The following CBX7 variants were observed in gnomAD, a reference collection of about 807,000 sequenced individuals.
CBX7 encodes the protein chromobox 7.
CBX7 carries 14 observed loss-of-function variants against 31.4 expected under a neutral mutation model. That is an observed-to-expected ratio of 0.45 (90% CI 0.29 to 0.70). The LOEUF is 0.70. Ranked by LOEUF, CBX7 falls within the 30% of genes least tolerant of loss-of-function variation. CBX7 has a pLI of 0.11. For synonymous variants in CBX7, 159 were observed against 152.6 expected (o/e 1.04, Z -0.31); for missense variants, 269 against 351.9 (o/e 0.76, Z 1.89).
intron 2 of CBX7, among the ~76,000 whole-genome samples, chr22:39,143,066 C>G (rs1197446386): frequency 6.6e-6 from 1 of 152,072 alleles, no homozygotes; most frequent in Non-Finnish European, 1.5e-5. Flanking sequence ...CAAGCCTGGC[C>G]AACGTGGAGA....
intron 3 of CBX7, among the ~76,000 whole-genome samples, chr22:39,139,792 C>T (rs577237918): frequency 2.7e-5 from 4 of 148,678 alleles, no homozygotes; most frequent in East Asian, 2.0e-4. Context: ...TAGCCAGGCA[C>T]GGTGGCATAC....
At chr22:39,147,052 A>G (rs185794847) in intron 2 of CBX7, 15 of 133,384 alleles carry the variant, frequency 1.1e-4, no homozygotes, top group African/African-American at 4.2e-4. Flanking sequence ...CAAGGCATGT[A>G]GTGGTTTAGC....
chr22:39,134,887 C>T, intron 4 of CBX7, 135 bp from the exon 5 acceptor site: 1 of 647,390 alleles, frequency 1.5e-6, no homozygotes, highest in Non-Finnish European at 2.6e-6. Flanking sequence ...CATGCCACGG[C>T]TGGCCATCAC....
rs1930134688 is a variant in CBX7, at chr22:39,133,831, C to A, written c.*60G>T. 2 of 1,449,614 alleles carry A rather than the reference C, an allele frequency of 1.4e-6. No individual in the cohort carries two copies. The highest frequency in any genetic ancestry group is 1.9e-6 in the Non-Finnish European group (2 of 1,076,656). 89.8% of individuals were successfully genotyped at this position (1,449,614 alleles called of 1,614,324 possible). A position where few individuals can be genotyped will look rare whatever the true frequency, so the allele number is the denominator to read the frequency against. On this transcript the variant is annotated 3_prime_UTR_variant, in exon 6 of 6. Coordinates refer to ENST00000216133, the MANE Select transcript of CBX7 (RefSeq NM_175709.5). The stretch of plus-strand genomic sequence containing the variant: ...TACCCCGCCCCCAACCCATCCCTAT[C>A]TCTGGAAGTCCCACCCCAAGCCCAA...
At chr22:39,151,251 G>A (rs1930840873) in intron 1 of CBX7, among the ~76,000 whole-genome samples, 1 of 152,176 alleles carries the variant, frequency 6.6e-6, no homozygotes, top group African/African-American at 2.4e-5. Context: ...GGAGAAGGAG[G>A]AGGAACAGCT....
intron 2 of CBX7, among the ~76,000 whole-genome samples, chr22:39,142,390 T>C (rs1369737441): frequency 6.6e-6 from 1 of 152,182 alleles, no homozygotes; most frequent in Non-Finnish European, 1.5e-5. Context: ...CCCTTGTCTC[T>C]GGGCCTGGTA....
At position 39,133,790 on chromosome 22, in the gene CBX7, T is replaced by C; in HGVS notation, c.*101A>G. ...TCTCCCCTTTTGCTGCTCGGTATTT[T>C]TTTAAATAAAATAATTACCCCGCCC... On this transcript the variant is annotated 3_prime_UTR_variant, in exon 6 of 6. Transcript: ENST00000216133. 8.5e-7 allele frequency: 1 copy of C among 1,182,774 alleles called. No individual in the cohort carries two copies. The highest frequency in any genetic ancestry group is 1.1e-6 in the Non-Finnish European group (1 of 874,780). The allele number at this position is 1,182,774 out of a possible 1,614,324, so 73.3% of individuals were successfully genotyped here. A position where few individuals can be genotyped will look rare whatever the true frequency, so the allele number is the denominator to read the frequency against.
intron 2 of CBX7, among the ~76,000 whole-genome samples, chr22:39,141,824 C>T (rs1930468488): frequency 6.6e-6 from 1 of 152,124 alleles, no homozygotes; most frequent in Non-Finnish European, 1.5e-5. Flanking sequence ...GACCCAGTGC[C>T]CACTGCAAGT....
chr22:39,150,239 T>C (rs1468377816), intron 1 of CBX7, among the ~76,000 whole-genome samples: 1 of 152,168 alleles, frequency 6.6e-6, no homozygotes, highest in African/African-American at 2.4e-5. Context: ...AGTCTCCAAA[T>C]ACGAAAACAT....
intron 2 of CBX7, chr22:39,148,311 A>G (rs532126069): frequency 4.0e-4 from 61 of 152,380 alleles, no homozygotes; most frequent in African/African-American, 1.3e-3. Context: ...TCCAGGATCA[A>G]TCAAAGTGGG....
chr22:39,152,262 G>T lies in CBX7; in HGVS notation c.69+114C>A. The T allele has an allele frequency of 2.1e-6, 1 of 481,292 alleles. No homozygotes were observed. The highest frequency in any genetic ancestry group is 3.1e-6 in the Non-Finnish European group (1 of 325,648). 29.8% of individuals were successfully genotyped at this position (481,292 alleles called of 1,614,324 possible). On this transcript the variant is annotated intron_variant, in intron 1 of 5. Coordinates refer to ENST00000216133, the MANE Select transcript of CBX7 (RefSeq NM_175709.5). The surrounding 1 kb of genome is among the most constrained non-coding windows in gnomAD (Gnocchi z 4.9). Reference sequence around the variant, plus strand: ...GGGGAGACGGGCCCAGCAGCGCAGGGCTGCCGGGGCCCCCGCGCCCCGCTT... The same window carrying T: ...GGGGAGACGGGCCCAGCAGCGCAGGTCTGCCGGGGCCCCCGCGCCCCGCTT...
intron 4 of CBX7, chr22:39,135,154 CG>C: frequency 5.7e-6 from 1 of 175,620 alleles, no homozygotes; most frequent in Non-Finnish European, 1.2e-5. Context: ...CCAGCTCACC[CG>C]GGAGATGGTG....
rs1311507277 is a variant in CBX7 at position 39,152,114 on chromosome 22, T to G, written c.69+262A>C. 2.6e-5 allele frequency among the ~76,000 whole-genome samples: 4 copies of G among 152,116 alleles called. No homozygotes were observed. Among genetic ancestry groups the G allele is most frequent in the South Asian group, 4.1e-4 (2 of 4,834 alleles). ...AAAGGGGAGCGAGGTGGGATGGCGCTGAGGATCCCTACGTCCGATCCTAAT... is the reference window on the plus strand; with the variant it reads ...AAAGGGGAGCGAGGTGGGATGGCGCGGAGGATCCCTACGTCCGATCCTAAT... On this transcript the variant is annotated intron_variant, in intron 1 of 5. Transcript: ENST00000216133. This position sits in a 1 kb window ranked among gnomAD's most constrained non-coding sequence, Gnocchi z 4.9.
At position 39,133,630 on chromosome 22, in the gene CBX7, G is replaced by T. The variant is rs1930126583; in HGVS notation, c.*261C>A. ...GAGAATGATAATGGTGGTGTCCCGG[G>T]CAGGTGATCCTGTCCCCATCCTGCC... On this transcript the variant is annotated 3_prime_UTR_variant, in exon 6 of 6. Transcript: ENST00000216133. The T allele has an allele frequency of 1.1e-5, 4 of 351,392 alleles. No homozygotes were observed. The highest frequency in any genetic ancestry group is 2.1e-5 in the Non-Finnish European group (4 of 193,594). The allele number at this position is 351,392 out of a possible 1,614,324, so 21.8% of individuals were successfully genotyped here. A position where few individuals can be genotyped will look rare whatever the true frequency, so the allele number is the denominator to read the frequency against.
At chr22:39,141,956 G>T (rs1427004818) in intron 2 of CBX7, among the ~76,000 whole-genome samples, 1 of 152,156 alleles carries the variant, frequency 6.6e-6, no homozygotes, top group African/African-American at 2.4e-5. Context: ...TCTACAATGT[G>T]ACTGGGTCCA....
chr22:39,140,546 C>A (rs546435104), intron 3 of CBX7, among the ~76,000 whole-genome samples: 1 of 126,848 alleles, frequency 7.9e-6, no homozygotes, highest in Non-Finnish European at 1.6e-5. Context: ...GAGGTGGCAG[C>A]CCTGGCCAGG....
At chr22:39,149,952 C>G (rs1444002373) in intron 1 of CBX7, 120 bp from the exon 2 acceptor site, 1 of 786,890 alleles carries the variant, frequency 1.3e-6, no homozygotes, top group African/African-American at 1.7e-5. Flanking sequence ...GGTGTCTCCC[C>G]AACACACAAA....
intron 2 of CBX7, among the ~76,000 whole-genome samples, chr22:39,142,798 A>ACGGCCTGCG (rs1930506820): frequency 6.6e-6 from 1 of 152,132 alleles, no homozygotes; most frequent in Non-Finnish European, 1.5e-5. Context: ...TCTGTCCGTG[A>ACGGCCTGCG]CGGCCTGCGC....
chr22:39,151,590 G>A lies in CBX7; in HGVS notation c.69+786C>T, dbSNP rs184799933. Among the ~76,000 whole-genome samples the A allele has an allele frequency of 2.8e-3, 420 of 152,324 alleles. 6 individuals carry two copies. The highest frequency in any genetic ancestry group is 9.6e-3 in the African/African-American group (398 of 41,558). On this transcript the variant is annotated intron_variant, in intron 1 of 5. Coordinates refer to ENST00000216133, the MANE Select transcript of CBX7 (RefSeq NM_175709.5). ...GGAGACAAAGGAAGGACAGTAGTGC[G>A]TACCAGGAAAGGAACTTCTCCCCAA...
Sources: allele counts gnomAD v4.1 joint callset (sites outside exome capture counted in the v4.1 genomes callset), GRCh38; gene constraint gnomAD v4.1.1; non-coding constraint Gnocchi (gnomAD v3.1); transcripts MANE v1.5; gene names NCBI Gene and HGNC (gene_info 2026-07-23, HGNC 2026-07-21).